C6: variants seen among roughly 807,000 people sequenced by gnomAD.
C6 encodes complement component C6.
Under a neutral mutation model 112.9 loss-of-function variants are expected in C6, and 101 were observed. That is an observed-to-expected ratio of 0.89 (90% CI 0.76 to 1.06). The LOEUF (loss-of-function observed/expected upper bound fraction) is 1.06. C6 is among the 50% of genes least tolerant of loss of function. The pLI is 0.00. For missense variants in C6, 1,202 were observed against 1,104.6 expected (o/e 1.09, Z -1.25); for synonymous variants, 431 against 384.1 (o/e 1.12, Z -1.43).
chr5:41,210,478 G>A (rs935246878), intron 1 of C6, among the ~76,000 whole-genome samples: 15 of 151,914 alleles, frequency 9.9e-5, no homozygotes, highest in African/African-American at 3.6e-4. Flanking sequence ...TCCGACAAAG[G>A]GCTAATATCC....
chr5:41,214,044 T>A (rs1428125970), upstream of C6, among the ~76,000 whole-genome samples: 1 of 152,172 alleles, frequency 6.6e-6, no homozygotes, highest in Non-Finnish European at 1.5e-5. Flanking sequence ...TGATTACGCT[T>A]CTCTGAAATG....
exon 1 of C6, chr5:41,261,333 A>T (rs1277970482): frequency 2.8e-6 from 1 of 358,924 alleles, no homozygotes; most frequent in Non-Finnish European, 3.9e-6. Flanking sequence ...AGCTAGAAAC[A>T]TCTCTCTTTA....
At chr5:41,255,412 T>C (rs1255415502) in intron 1 of C6, among the ~76,000 whole-genome samples, 1 of 151,966 alleles carries the variant, frequency 6.6e-6, no homozygotes, top group African/African-American at 2.4e-5. Context: ...TCCACTTTCA[T>C]TCTTTCATAT....
chr5:41,251,863 G>T, intron 1 of C6, among the ~76,000 whole-genome samples: 1 of 152,154 alleles, frequency 6.6e-6, no homozygotes, highest in East Asian at 1.9e-4. Flanking sequence ...TTTATCTGTG[G>T]TTAGAAACAT....
At chr5:41,249,990 A>G (rs1485644391) in intron 1 of C6, among the ~76,000 whole-genome samples, 3 of 152,204 alleles carry the variant, frequency 2.0e-5, no homozygotes, top group African/African-American at 7.2e-5. Flanking sequence ...AGATAATTAT[A>G]TGCTCCAAAT....
chr5:41,254,217 C>T (rs879914592), intron 1 of C6, among the ~76,000 whole-genome samples: 7 of 151,996 alleles, frequency 4.6e-5, no homozygotes, highest in Non-Finnish European at 1.0e-4. Context: ...CTGGCTAACA[C>T]GGTGAAACCC....
chr5:41,247,081 T>C (rs768684205), intron 1 of C6, among the ~76,000 whole-genome samples: 17 of 152,206 alleles, frequency 1.1e-4, no homozygotes, highest in Non-Finnish European at 2.1e-4. Context: ...CTACATGCCA[T>C]ATAAAGTACT....
intron 1 of C6, among the ~76,000 whole-genome samples, chr5:41,219,379 T>C (rs1739026745): frequency 6.6e-6 from 1 of 152,150 alleles, no homozygotes; most frequent in Non-Finnish European, 1.5e-5. Context: ...TGTGGTCAGA[T>C]AAAGCTGTTG....
chr5:41,260,812 C>T lies in C6; in HGVS notation c.-21+382G>A, dbSNP rs1228503141. On this transcript the variant is annotated intron_variant, in intron 1 of 17. Transcript: ENST00000263413. ...CAAAACAAAAACAAACCAAAAAAAC[C>T]CCTGCAACTTCTCTAGTCTTAAACA... Among the ~76,000 whole-genome samples the T allele has an allele frequency of 4.0e-5, 6 of 151,720 alleles. No homozygotes were observed. In the East Asian group the frequency reaches 9.7e-4, roughly 25 times the overall value.
At chr5:41,207,730 A>G (rs1404863165) in intron 1 of C6, among the ~76,000 whole-genome samples, 1 of 152,054 alleles carries the variant, frequency 6.6e-6, no homozygotes. Context: ...TCATAAAGCC[A>G]GTCCTTAGAG....
intron 3 of C6, among the ~76,000 whole-genome samples, chr5:41,200,666 T>C (rs1750942125): frequency 6.6e-6 from 1 of 152,152 alleles, no homozygotes; most frequent in South Asian, 2.1e-4. Flanking sequence ...GTGTAAATGC[T>C]CAACACGGCC....
chr5:41,146,645 AC>A (rs2150222070), intron 17 of C6, among the ~76,000 whole-genome samples: 1 of 152,302 alleles, frequency 6.6e-6, no homozygotes, highest in South Asian at 2.1e-4. Context: ...TGTGTGCAGA[AC>A]CAAAAAATAT....
upstream of C6, among the ~76,000 whole-genome samples, chr5:41,215,237 C>T (rs149555056): frequency 3.9e-5 from 6 of 152,246 alleles, no homozygotes; most frequent in East Asian, 1.2e-3. Context: ...GCAACAGAGG[C>T]TCTCCAGCCT....
intron 17 of C6, among the ~76,000 whole-genome samples, chr5:41,145,463 T>G (rs1745731842): frequency 6.6e-6 from 1 of 152,174 alleles, no homozygotes; most frequent in African/African-American, 2.4e-5. Context: ...AAAAAGAAAT[T>G]TATTTAATGG....
intron 11 of C6, 114 bp downstream of exon 11, chr5:41,160,028 C>A: frequency 1.2e-6 from 1 of 819,522 alleles, no homozygotes; most frequent in Non-Finnish European, 2.1e-6. Context: ...TCCCTCTGAG[C>A]CTGTACAAGG....
intron 2 of C6, 143 bp downstream of exon 2, chr5:41,202,945 A>G: frequency 1.2e-6 from 1 of 838,102 alleles, no homozygotes; most frequent in South Asian, 1.4e-5. Context: ...CATAAGAGAG[A>G]GACTTCAAAT....
At chr5:41,211,293 C>T (rs574838843) in intron 1 of C6, among the ~76,000 whole-genome samples, 41 of 145,578 alleles carry the variant, frequency 2.8e-4, no homozygotes, top group African/African-American at 8.7e-4. Context: ...TGCTAAATGA[C>T]GAGTTAATGG....
intron 1 of C6, among the ~76,000 whole-genome samples, chr5:41,252,107 G>C (rs1430765322): frequency 1.3e-5 from 2 of 152,162 alleles, no homozygotes; most frequent in Non-Finnish European, 2.9e-5. Context: ...ACCATTTAAA[G>C]GTGGTTTGCA....
intron 1 of C6, among the ~76,000 whole-genome samples, chr5:41,248,953 C>T (rs1741180707): frequency 6.6e-6 from 1 of 152,004 alleles, no homozygotes; most frequent in African/African-American, 2.4e-5. Flanking sequence ...TATATATACA[C>T]TGTGGAATAC....
Sources: allele counts gnomAD v4.1 joint callset (sites outside exome capture counted in the v4.1 genomes callset), GRCh38; gene constraint gnomAD v4.1.1; transcripts MANE v1.5; gene names NCBI Gene and HGNC (gene_info 2026-07-23, HGNC 2026-07-21).